Variants in DENND2C observed in about 807,000 individuals in gnomAD.
The protein encoded by DENND2C is DENN domain-containing protein 2C.
In DENND2C, 72 loss-of-function variants were observed where a neutral mutation model predicts 112.4. The ratio of observed to expected loss-of-function variants is 0.64; its 90% CI spans 0.53 to 0.78. DENND2C has a LOEUF of 0.78. DENND2C is among the 30% of genes least tolerant of loss of function. DENND2C has a pLI of 0.00. For missense variants in DENND2C, 992 were observed against 1,113.8 expected (o/e 0.89, Z 1.56); for synonymous variants, 329 against 381.6 (o/e 0.86, Z 1.61).
chr1:114,629,282 T>A (rs1472682622), intron 3 of DENND2C, among the ~76,000 whole-genome samples: 1 of 152,172 alleles, frequency 6.6e-6, no homozygotes, highest in East Asian at 1.9e-4. Context: ...CAAGCATGAC[T>A]TTTTTCTTTT....
chr1:114,661,856 A>C (rs990065873), intron 1 of DENND2C, among the ~76,000 whole-genome samples: 6 of 152,198 alleles, frequency 3.9e-5, no homozygotes, highest in African/African-American at 1.4e-4. Flanking sequence ...CAGACTCTTG[A>C]AAATATCACA....
intron 16 of DENND2C, among the ~76,000 whole-genome samples, chr1:114,598,822 C>T (rs1004532693): frequency 2.6e-5 from 4 of 152,188 alleles, no homozygotes; most frequent in African/African-American, 9.7e-5. Context: ...GCTGGGATTA[C>T]AGGCATGTAC....
chr1:114,615,509 CAT>C (rs1655940631), intron 8 of DENND2C, among the ~76,000 whole-genome samples: 1 of 152,140 alleles, frequency 6.6e-6, no homozygotes. Context: ...ATACGTTATA[CAT>C]GAGATAAAAT....
At chr1:114,637,225 C>A in intron 3 of DENND2C, among the ~76,000 whole-genome samples, 1 of 151,152 alleles carries the variant, frequency 6.6e-6, no homozygotes. Context: ...GTCTTAGCCT[C>A]CCAAAGTGGT....
intron 13 of DENND2C, 47 bp from the exon 14 acceptor site, chr1:114,601,007 T>C (rs377671196): frequency 2.6e-6 from 4 of 1,561,744 alleles, no homozygotes; most frequent in Non-Finnish European, 2.6e-6. Context: ...TTAAAAAATA[T>C]AAAAGAATGC....
Position 114,625,839 on chromosome 1 carries a change from C to A in DENND2C, c.146G>T (p.Arg49Ile). 6.2e-7 allele frequency: 1 copy of A among 1,614,078 alleles called. No individual in the cohort carries two copies. Among genetic ancestry groups the A allele is most frequent in the Non-Finnish European group, 8.5e-7 (1 of 1,180,004 alleles). The change falls in exon 4 of 21, where the codon AGA becomes ATA. Residue 49 changes from arginine to isoleucine, a missense_variant. Physicochemically the swap from Arg to Ile is moderately conservative, Grantham distance 97 (BLOSUM62 -3). This residue lies in a region of DENND2C where 470 missense variants were observed against 472.7 expected (regional missense o/e 0.99). Coordinates refer to ENST00000393274, the MANE Select transcript of DENND2C (RefSeq NM_001256404.2). ...EKWCPKDFGV[R>I]YNCHQEIRLK... ...ACGGATCTCTTGGTGACAGTTATAT[C>A]TCACTCCAAAGTCCTTTGGACACCA...
In DENND2C at chr1:114,587,872, T is replaced by C; in HGVS notation, c.2512A>G (p.Thr838Ala). 1 of 1,614,088 alleles carries C rather than the reference T, an allele frequency of 6.2e-7. No homozygotes were observed. Among genetic ancestry groups the C allele is most frequent in the Admixed American group, 1.7e-5 (1 of 60,010 alleles). ...ELVGHYSLNMTVTERGERVFQ... is the reference protein window; with the variant it reads ...ELVGHYSLNMAVTERGERVFQ... The stretch of plus-strand genomic sequence containing the variant: ...ACACGCTCCCCACGCTCAGTGACAG[T>C]CATGTTCAAAGAATAATGTCCTACC... Residue 838 changes from threonine (T) to alanine (A), a missense_variant, in exon 19 of 21, where the codon ACT becomes GCT. Physicochemically the swap from Thr to Ala is moderately conservative, Grantham distance 58 (BLOSUM62 0). Around this residue, in one of 3 missense-constraint regions of DENND2C, gnomAD observed 516 missense variants for 623.6 expected, o/e 0.83. Transcript: ENST00000393274.
chr1:114,624,760 T>A (rs1224414291), intron 4 of DENND2C, among the ~76,000 whole-genome samples: 2 of 151,872 alleles, frequency 1.3e-5, no homozygotes, highest in Admixed American at 1.3e-4. Context: ...TAGCTGGGAC[T>A]ACAGGTGCAC....
chr1:114,634,398 A>G (rs892720090), intron 3 of DENND2C, among the ~76,000 whole-genome samples: 4 of 152,094 alleles, frequency 2.6e-5, no homozygotes, highest in Non-Finnish European at 5.9e-5. Flanking sequence ...CACTGGCACA[A>G]TCTCGGCTCA....
At chr1:114,667,330 C>A (rs6695699) in intron 1 of DENND2C, among the ~76,000 whole-genome samples, 133,159 of 152,220 alleles carry the variant, frequency 0.87, 58,746 homozygotes, top group African/African-American at 0.96. Context: ...AATTGTAGAG[C>A]CTTATTTACA....
chr1:114,643,169 G>T (rs1656892621), intron 3 of DENND2C, among the ~76,000 whole-genome samples: 1 of 152,126 alleles, frequency 6.6e-6, no homozygotes, highest in South Asian at 2.1e-4. Flanking sequence ...TGCTGTCTTA[G>T]AAGACTTAAA....
rs558673586 is a variant in DENND2C at position 114,642,588 on chromosome 1, G to T, written c.-205+2860C>A. On this transcript the variant is annotated intron_variant, in intron 3 of 20. Coordinates refer to ENST00000393274, the MANE Select transcript of DENND2C (RefSeq NM_001256404.2). ...CTTACTGAGCACTTAATATGAGCCAGGCATAGCTCTACTAACTTTAACCAT... is the reference window on the plus strand; with the variant it reads ...CTTACTGAGCACTTAATATGAGCCATGCATAGCTCTACTAACTTTAACCAT... Among the ~76,000 whole-genome samples, 16 of 152,238 alleles carry T rather than the reference G, an allele frequency of 1.1e-4. 1 individual carries two copies. The East Asian group carries it at 2.9e-3, about 28-fold the overall frequency.
chr1:114,633,172 C>T (rs139280695), intron 3 of DENND2C, among the ~76,000 whole-genome samples: 99 of 152,078 alleles, frequency 6.5e-4, no homozygotes, highest in African/African-American at 2.3e-3. Flanking sequence ...TTTATGCCGG[C>T]GCGGTGGCTC....
intron 17 of DENND2C, 152 bp downstream of exon 17, chr1:114,595,680 C>G: frequency 1.5e-6 from 1 of 658,950 alleles, no homozygotes; most frequent in Non-Finnish European, 2.6e-6. Context: ...GTCAATCTTG[C>G]ATGATTGGCC....
chr1:114,619,894 C>T lies in DENND2C; in HGVS notation c.1228-1412G>A, dbSNP rs183325290. ...TTCTGTCATGAGCTAGGAAGAAGAG[C>T]CTTCTAGTTACAAGAAATACTGTAG... On this transcript the variant is annotated intron_variant, in intron 7 of 20. Coordinates refer to ENST00000393274, the MANE Select transcript of DENND2C (RefSeq NM_001256404.2). Among the ~76,000 whole-genome samples the T allele has an allele frequency of 2.0e-5, 3 of 152,162 alleles. 1 individual carries two copies. In the South Asian group the frequency reaches 6.2e-4, roughly 32 times the overall value.
At chr1:114,585,655 G>C in intron 20 of DENND2C, 24 bp from the exon 21 acceptor site, 1 of 1,609,826 alleles carries the variant, frequency 6.2e-7, no homozygotes, top group Non-Finnish European at 8.5e-7. Flanking sequence ...AAAGTACAGT[G>C]AATGCTCAAT....
intron 3 of DENND2C, among the ~76,000 whole-genome samples, chr1:114,634,871 T>C (rs954728195): frequency 1.3e-5 from 2 of 151,258 alleles, no homozygotes; most frequent in African/African-American, 4.9e-5. Context: ...CTATTAAAAA[T>C]ACAAAAATTA....
chr1:114,625,259 AGAGTT>A lies in DENND2C; in HGVS notation c.721_725del (p.Asn241LeufsTer13). 2 of 1,614,146 alleles carry A rather than the reference AGAGTT, an allele frequency of 1.2e-6. No individual in the cohort carries two copies. Among genetic ancestry groups the A allele is most frequent in the Non-Finnish European group, 8.5e-7 (1 of 1,180,008 alleles). ...AAGAGGCCAAAGAAGATTGTGCACAAGAGTTATTTTCACAGTATTTTTTGTCACAG... is the reference window on the plus strand; with the variant it reads ...AAGAGGCCAAAGAAGATTGTGCACAAATTTTCACAGTATTTTTTGTCACAG... On this transcript the variant is annotated frameshift_variant, in exon 4 of 21. Coordinates refer to ENST00000393274, the MANE Select transcript of DENND2C (RefSeq NM_001256404.2). LOFTEE classifies it high-confidence loss of function.
Position 114,610,932 on chromosome 1 carries a change from C to G in DENND2C, c.1369+141G>C, listed in dbSNP as rs1256997716. ...TCTGACTGTTTAATTCTCCAAACCTCAACAGGCTCTGAAAATAAGGAAATC... is the reference window on the plus strand; with the variant it reads ...TCTGACTGTTTAATTCTCCAAACCTGAACAGGCTCTGAAAATAAGGAAATC... On this transcript the variant is annotated intron_variant, in intron 9 of 20. Coordinates refer to ENST00000393274, the MANE Select transcript of DENND2C (RefSeq NM_001256404.2). The G allele has an allele frequency of 3.6e-5, 34 of 947,490 alleles. No individual in the cohort carries two copies. The East Asian group carries it at 8.4e-4, about 23-fold the overall frequency. 58.7% of individuals were successfully genotyped at this position (947,490 alleles called of 1,614,324 possible). A position where few individuals can be genotyped will look rare whatever the true frequency, so the allele number is the denominator to read the frequency against.
Sources: gnomAD v4.1 joint callset for allele counts (sites outside exome capture counted in the v4.1 genomes callset) on GRCh38, gnomAD v4.1.1 for gene constraint, gnomAD v4.1.1 regional missense constraint, MANE v1.5 for transcripts, NCBI Gene and HGNC (gene_info 2026-07-23, HGNC 2026-07-21) for gene names.